Variants in CCDC12 observed in about 807,000 individuals in gnomAD.
The protein encoded by CCDC12 is coiled-coil domain-containing protein 12.
A neutral mutation model predicts 25.7 loss-of-function variants in CCDC12; 28 were observed. The ratio of observed to expected loss-of-function variants is 1.09; its 90% CI spans 0.81 to 1.50. CCDC12 has a LOEUF of 1.50. CCDC12 is among the 40% of genes most tolerant of loss of function. CCDC12 has a pLI of 0.00. For missense variants in CCDC12, 198 were observed against 210.0 expected, an observed-to-expected ratio of 0.94 and a Z score of 0.35; for synonymous variants, 75 against 87.7, an observed-to-expected ratio of 0.86 and a Z score of 0.81.
intron 1 of CCDC12, among the ~76,000 whole-genome samples, chr3:46,942,646 G>A (rs369305164): frequency 8.5e-5 from 13 of 152,262 alleles, no homozygotes; most frequent in African/African-American, 2.2e-4. Context: ...AAACCAGGTC[G>A]GAGGCCTGGC....
At chr3:46,950,776 A>AATATAC (rs1439824154) in intron 1 of CCDC12, among the ~76,000 whole-genome samples, 3 of 152,220 alleles carry the variant, frequency 2.0e-5, no homozygotes, top group Non-Finnish European at 4.4e-5. Flanking sequence ...TGAATGAGTA[A>AATATAC]GAAAATTTAG....
chr3:46,974,186 G>C (rs2034895460), intron 1 of CCDC12, among the ~76,000 whole-genome samples: 2 of 152,176 alleles, frequency 1.3e-5, no homozygotes, highest in Non-Finnish European at 2.9e-5. Context: ...CCAGGGGCTG[G>C]GGAAAGGGGG....
chr3:46,969,105 G>C (rs911998041), intron 1 of CCDC12, among the ~76,000 whole-genome samples: 2 of 152,054 alleles, frequency 1.3e-5, no homozygotes, highest in Non-Finnish European at 2.9e-5. Flanking sequence ...ATCAGGACAC[G>C]GACAAGTCTG....
At chr3:46,928,857 T>C (rs552170841) in intron 2 of CCDC12, among the ~76,000 whole-genome samples, 7 of 152,280 alleles carry the variant, frequency 4.6e-5, no homozygotes, top group Admixed American at 3.9e-4. Context: ...GTAAATACAA[T>C]GGCTTGTGTC....
Position 46,923,373 on chromosome 3 carries a change from G to A in CCDC12, c.307-10C>T, listed in dbSNP as rs748110608. On this transcript the variant is annotated splice_polypyrimidine_tract_variant and intron_variant, in intron 4 of 6. Coordinates refer to ENST00000683445, the MANE Select transcript of CCDC12 (RefSeq NM_001277074.2). ...CGAGGTTGGCCAGGTCCTGGGAAGG[G>A]AGGAGACACACATCAGGGTGGAGGG... The A allele has an allele frequency of 6.7e-7, 1 of 1,501,260 alleles. No individual in the cohort carries two copies. Among genetic ancestry groups the A allele is most frequent in the Non-Finnish European group, 8.9e-7 (1 of 1,122,384 alleles). The allele number at this position is 1,501,260 out of a possible 1,614,324, so 93.0% of individuals were successfully genotyped here.
intron 1 of CCDC12, among the ~76,000 whole-genome samples, chr3:46,975,521 C>G (rs1003061933): frequency 7.5e-6 from 1 of 132,590 alleles, no homozygotes; most frequent in African/African-American, 2.9e-5. Flanking sequence ...AGAAATAAAT[C>G]TTTTCTTTTT....
chr3:46,923,089 G>A, intron 5 of CCDC12: 1 of 390,656 alleles, frequency 2.6e-6, no homozygotes, highest in Non-Finnish European at 4.5e-6. Flanking sequence ...AACCTCTCAG[G>A]AGGGCCTTCA....
At chr3:46,934,319 G>GA in intron 2 of CCDC12, among the ~76,000 whole-genome samples, 1 of 152,222 alleles carries the variant, frequency 6.6e-6, no homozygotes, top group East Asian at 1.9e-4. Flanking sequence ...AGGCTGCCCT[G>GA]AGTGGCAAAC....
chr3:46,947,622 C>T (rs1411729108), intron 1 of CCDC12, among the ~76,000 whole-genome samples: 14 of 152,206 alleles, frequency 9.2e-5, no homozygotes, highest in African/African-American at 2.9e-4. Flanking sequence ...CAGAGCTCCT[C>T]ACTCTGGGTC....
At chr3:46,963,440 G>A (rs1218360669) in intron 1 of CCDC12, among the ~76,000 whole-genome samples, 5 of 132,054 alleles carry the variant, frequency 3.8e-5, no homozygotes, top group African/African-American at 1.2e-4. Flanking sequence ...CTCTCCTCAC[G>A]GTCTCCCTCT....
intron 1 of CCDC12, among the ~76,000 whole-genome samples, chr3:46,965,765 T>C (rs189883668): frequency 6.6e-6 from 1 of 152,334 alleles, no homozygotes; most frequent in East Asian, 1.9e-4. Context: ...GTGATTGTGT[T>C]TGGTCCCTTA....
At chr3:46,924,830 T>A (rs1203272401) in intron 3 of CCDC12, 3 of 154,048 alleles carry the variant, frequency 1.9e-5, no homozygotes, top group Non-Finnish European at 2.9e-5. Flanking sequence ...TAAAATAAAA[T>A]AAAATAAAAT....
intron 1 of CCDC12, among the ~76,000 whole-genome samples, chr3:46,949,263 G>C (rs2034023697): frequency 6.6e-6 from 1 of 152,208 alleles, no homozygotes; most frequent in Non-Finnish European, 1.5e-5. Context: ...ATGAGTGACA[G>C]TGGGGACAGA....
chr3:46,938,740 T>C (rs1242382539), intron 2 of CCDC12, among the ~76,000 whole-genome samples: 2 of 151,658 alleles, frequency 1.3e-5, no homozygotes, highest in African/African-American at 4.8e-5. Flanking sequence ...CCCAGCTTCT[T>C]GGGAGGCTGA....
chr3:46,955,520 T>G (rs2034263147), intron 1 of CCDC12, among the ~76,000 whole-genome samples: 1 of 151,756 alleles, frequency 6.6e-6, no homozygotes, highest in Non-Finnish European at 1.5e-5. Context: ...AGAGGGAAGA[T>G]GCAGACTGAG....
chr3:46,939,993 G>T (rs1322179211), intron 2 of CCDC12, among the ~76,000 whole-genome samples: 2 of 152,180 alleles, frequency 1.3e-5, no homozygotes, highest in East Asian at 1.9e-4. Context: ...ACCCCCCTGT[G>T]CCTGAAGGAA....
intron 1 of CCDC12, among the ~76,000 whole-genome samples, chr3:46,966,551 G>T (rs2034648276): frequency 6.6e-6 from 1 of 151,966 alleles, no homozygotes; most frequent in Non-Finnish European, 1.5e-5. Context: ...AAGAACGAAA[G>T]AAAAGGGCTA....
At chr3:46,926,673 G>A (rs868732745) in intron 2 of CCDC12, among the ~76,000 whole-genome samples, 7 of 152,298 alleles carry the variant, frequency 4.6e-5, no homozygotes, top group South Asian at 2.1e-4. Flanking sequence ...TCTAAGAAAG[G>A]CAAGGCAGAG....
At chr3:46,976,501 T>C in intron 1 of CCDC12, 136 bp downstream of exon 1, 3 of 1,438,598 alleles carry the variant, frequency 2.1e-6, no homozygotes, top group East Asian at 5.1e-5. Context: ...CGCCGTCTTC[T>C]CGCGCATGCG....
Sources: gnomAD v4.1 joint callset for allele counts (sites outside exome capture counted in the v4.1 genomes callset) on GRCh38, gnomAD v4.1.1 for gene constraint, MANE v1.5 for transcripts, NCBI Gene and HGNC (gene_info 2026-07-23, HGNC 2026-07-21) for gene names.